Variants in NDE1 observed in about 807,000 individuals in gnomAD.
NDE1 encodes the protein nuclear distribution protein nudE homolog 1.
A neutral mutation model predicts 43.4 loss-of-function variants in NDE1; 28 were observed. The ratio of observed to expected loss-of-function variants is 0.65; its 90% CI spans 0.48 to 0.89. The LOEUF is 0.89. NDE1 is among the 40% of genes least tolerant of loss of function. NDE1 has a pLI of 0.00. For missense variants in NDE1, 441 were observed against 434.1 expected, an observed-to-expected ratio of 1.02 and a Z score of -0.14; for synonymous variants, 184 against 172.0, an observed-to-expected ratio of 1.07 and a Z score of -0.55.
At chr16:15,704,940 A>G (rs2039368724) in intron 8 of NDE1, among the ~76,000 whole-genome samples, 1 of 152,118 alleles carries the variant, frequency 6.6e-6, no homozygotes, top group South Asian at 2.1e-4. Context: ...TGGCCTCCCA[A>G]AGCGCTGGCA....
rs1196574914 is a variant in NDE1, at chr16:15,725,957, T to C, written c.*1706T>C. The C allele has an allele frequency of 5.7e-6, 2 of 350,490 alleles. No individual in the cohort carries two copies. The highest frequency in any genetic ancestry group is 1.0e-5 in the Non-Finnish European group (2 of 196,192). 21.7% of individuals were successfully genotyped at this position (350,490 alleles called of 1,614,324 possible). ...CCCTCCAACCCCACTCTGTACTATC[T>C]CCCCCTACCCCCAACCCCAGCTGGG... On this transcript the variant is annotated 3_prime_UTR_variant, in exon 9 of 9. Coordinates refer to ENST00000396354, the MANE Select transcript of NDE1 (RefSeq NM_017668.3).
chr16:15,691,167 C>A lies in NDE1; in HGVS notation c.547C>A (p.Gln183Lys), dbSNP rs1197427432. 1.9e-6 allele frequency: 3 copies of A among 1,614,070 alleles called. No homozygotes were observed. The highest frequency in any genetic ancestry group is 2.2e-5 in the South Asian group (2 of 91,080). ...AGATTTGCGGCAGGAACTGGCCGTG[C>A]AGCAGAAGCAGGAGAAACCCAGGAC... is the stretch of plus-strand genomic sequence containing the variant. ...ARDLRQELAV[Q>K]QKQEKPRTPM... Residue 183 changes from glutamine (Q) to lysine (K), a missense_variant, in exon 6 of 9, where the codon CAG becomes AAG. By Grantham distance (53) the Gln-to-Lys change is moderately conservative. Coordinates refer to ENST00000396354, the MANE Select transcript of NDE1 (RefSeq NM_017668.3).
intron 8 of NDE1, among the ~76,000 whole-genome samples, chr16:15,712,346 C>T (rs74009409): frequency 0.076 from 11,491 of 152,072 alleles, 1,067 homozygotes; most frequent in African/African-American, 0.22. Context: ...TCACCTAGCG[C>T]TGGGGAGAGA....
intron 5 of NDE1, among the ~76,000 whole-genome samples, chr16:15,688,689 C>T (rs1355681560): frequency 5.0e-5 from 3 of 59,988 alleles, no homozygotes; most frequent in East Asian, 5.2e-4. Flanking sequence ...TTGTTTTTAC[C>T]TTTTTTTTTT....
intron 3 of NDE1, 136 bp from the exon 4 acceptor site, chr16:15,677,665 C>A (rs1424253982): frequency 1.2e-6 from 1 of 842,554 alleles, no homozygotes; most frequent in Non-Finnish European, 2.0e-6. Flanking sequence ...CTCACTGCAG[C>A]CTCTAACTCC....
intron 1 of NDE1, among the ~76,000 whole-genome samples, chr16:15,656,016 T>C (rs1414505069): frequency 6.8e-6 from 1 of 147,204 alleles, no homozygotes; most frequent in Non-Finnish European, 1.5e-5. Flanking sequence ...CATTGGGAGA[T>C]ATACCTAATG....
chr16:15,656,950 T>A (rs991037297), intron 1 of NDE1, among the ~76,000 whole-genome samples: 1 of 152,208 alleles, frequency 6.6e-6, no homozygotes, highest in South Asian at 2.1e-4. Flanking sequence ...CCTGATCACA[T>A]TGGATCTTGC....
In NDE1 at chr16:15,724,489, C is replaced by T. The variant is rs7196012; in HGVS notation, c.*238C>T. The T allele has an allele frequency of 1.6e-5, 25 of 1,608,568 alleles. No homozygotes were observed. Among genetic ancestry groups the T allele is most frequent in the South Asian group, 1.4e-4 (13 of 90,802 alleles). On this transcript the variant is annotated 3_prime_UTR_variant, in exon 9 of 9. Transcript: ENST00000396354. The stretch of plus-strand genomic sequence containing the variant: ...CCCTGGCCCCACAGACTCTGAGAAG[C>T]GAAGACCATGTCTCCTCGTTGGAGA...
rs1340889427 is a variant in NDE1 at position 15,667,293 on chromosome 16, A to T, written c.91A>T (p.Asn31Tyr). 1.2e-6 allele frequency: 2 copies of T among 1,614,048 alleles called. No homozygotes were observed. The highest frequency in any genetic ancestry group is 1.7e-6 in the Non-Finnish European group (2 of 1,180,036). The part of the protein sequence containing the change: ...LAMTYKQRAE[N>Y]TQEELREFQE... ...TTAACAATTTTGCTGTAGGGCAGAA[A>T]ATACGCAAGAGGAACTCCGAGAATT... is the stretch of plus-strand genomic sequence containing the variant. The change falls in exon 3 of 9, where the codon AAT becomes TAT. Residue 31 changes from asparagine to tyrosine, a missense_variant. Coordinates refer to ENST00000396354, the MANE Select transcript of NDE1 (RefSeq NM_017668.3).
chr16:15,650,292 CG>C lies in NDE1; in HGVS notation c.-44+1del. The C allele has an allele frequency of 6.4e-6, 2 of 310,610 alleles. No homozygotes were observed. Among genetic ancestry groups the C allele is most frequent in the Non-Finnish European group, 1.3e-5 (2 of 150,634 alleles). 19.2% of individuals were successfully genotyped at this position (310,610 alleles called of 1,614,324 possible). A position where few individuals can be genotyped will look rare whatever the true frequency, so the allele number is the denominator to read the frequency against. ...CCGCGTTGGCCTCGCCGCCCCTGCT[CG>C]GGTAAGTGAGGCGCTGCGCGGGGCT... On this transcript the variant is annotated splice_region_variant and 5_prime_UTR_variant, in exon 1 of 9. Coordinates refer to ENST00000396354, the MANE Select transcript of NDE1 (RefSeq NM_017668.3).
At chr16:15,721,326 GAA>G (rs35629279) in intron 8 of NDE1, 2 of 1,392,248 alleles carry the variant, frequency 1.4e-6, no homozygotes, top group East Asian at 4.6e-5. Context: ...AGTTCGCTAT[GAA>G]AAAGGCCAGG....
At chr16:15,708,412 T>A (rs2039584675) in intron 8 of NDE1, among the ~76,000 whole-genome samples, 1 of 152,196 alleles carries the variant, frequency 6.6e-6, no homozygotes. Context: ...TTCAGTGCAG[T>A]GTCTTCACTG....
rs370527158 is a variant in NDE1 at position 15,687,465 on chromosome 16, A to G, written c.477A>G (p.Lys159=). Reference sequence around the variant, plus strand: ...TCCTGGAAAGTGAACTTGATGAAAAAGAGAATCTCCTGGAATCTGTTCAGA... The same window carrying G: ...TCCTGGAAAGTGAACTTGATGAAAAGGAGAATCTCCTGGAATCTGTTCAGA... ...NAFLESELDE[K]ENLLESVQRL... is the part of the protein sequence containing the mutation. Residue 159 remains lysine (K), a synonymous_variant, in exon 5 of 9, where the codon AAA becomes AAG. Transcript: ENST00000396354. The G allele has an allele frequency of 5.0e-6, 8 of 1,614,188 alleles. No homozygotes were observed. The highest frequency in any genetic ancestry group is 6.8e-6 in the Non-Finnish European group (8 of 1,180,032).
At chr16:15,672,065 TTG>T (rs1342204533) in intron 3 of NDE1, among the ~76,000 whole-genome samples, 2 of 151,922 alleles carry the variant, frequency 1.3e-5, no homozygotes, top group Non-Finnish European at 2.9e-5. Context: ...GAACTGCAGT[TTG>T]GAGAGGATAA....
chr16:15,721,856 G>C (rs1019858956), intron 8 of NDE1, among the ~76,000 whole-genome samples: 3 of 151,704 alleles, frequency 2.0e-5, no homozygotes, highest in African/African-American at 7.3e-5. Flanking sequence ...TTTTTTGTTG[G>C]TTTGTGTGTT....
chr16:15,696,201 T>A (rs997167039), intron 7 of NDE1, among the ~76,000 whole-genome samples: 6 of 150,226 alleles, frequency 4.0e-5, no homozygotes, highest in African/African-American at 7.4e-5. Flanking sequence ...TTAAAAAAAA[T>A]TTTTTGCATT....
At chr16:15,722,065 C>A (rs889910156) in intron 8 of NDE1, among the ~76,000 whole-genome samples, 4 of 152,088 alleles carry the variant, frequency 2.6e-5, no homozygotes, top group Admixed American at 2.6e-4. Flanking sequence ...GCCATGTTGA[C>A]CAGGCTGGTC....
chr16:15,677,613 T>A (rs1365346032), intron 3 of NDE1, among the ~76,000 whole-genome samples, 188 bp from the exon 4 acceptor site: 1 of 150,694 alleles, frequency 6.6e-6, no homozygotes, highest in Non-Finnish European at 1.5e-5. Context: ...ACACGGAGTC[T>A]TGCTGTGTTG....
intron 3 of NDE1, among the ~76,000 whole-genome samples, chr16:15,674,710 C>CT (rs532272038): frequency 3.2e-4 from 49 of 150,946 alleles, no homozygotes; most frequent in Non-Finnish European, 4.1e-4. Context: ...ATTGAGATTC[C>CT]TTTTTTTTTG....
Sources: gnomAD v4.1 joint callset for allele counts (sites outside exome capture counted in the v4.1 genomes callset) on GRCh38, gnomAD v4.1.1 for gene constraint, MANE v1.5 for transcripts, NCBI Gene and HGNC (gene_info 2026-07-23, HGNC 2026-07-21) for gene names.